Variants in LRP1 observed in about 807,000 individuals in gnomAD.
LRP1 encodes prolow-density lipoprotein receptor-related protein 1.
Under a neutral mutation model 541.5 loss-of-function variants are expected in LRP1, and 51 were observed. That is an observed-to-expected ratio of 0.09 (90% CI 0.08 to 0.12). The LOEUF (loss-of-function observed/expected upper bound fraction) is 0.12, where lower values mean the gene tolerates loss of function less well. Ranked by LOEUF, LRP1 falls within the 10% of genes least tolerant of loss-of-function variation. The pLI, the probability that LRP1 is intolerant of heterozygous loss-of-function variation, is 1.00. For synonymous variants in LRP1, 2,219 were observed against 2,470.8 expected (o/e 0.90, Z 3.02); for missense variants, 3,878 against 6,376.2 (o/e 0.61, Z 13.34).
At chr12:57,142,188 G>A (rs531949541) in intron 3 of LRP1, among the ~76,000 whole-genome samples, 2 of 152,386 alleles carry the variant, frequency 1.3e-5, no homozygotes, top group African/African-American at 4.8e-5. Context: ...CGGTCACAGC[G>A]TGAGCATTTA....
Position 57,166,941 on chromosome 12 carries a change from C to A in LRP1, c.2809C>A (p.Pro937Thr), listed in dbSNP as rs768083429. The A allele has an allele frequency of 6.2e-7, 1 of 1,612,102 alleles. No homozygotes were observed. The highest frequency in any genetic ancestry group is 8.5e-7 in the Non-Finnish European group (1 of 1,178,254). ...SNATCSARTC[P>T]PNQFSCASGR... ...TCCCTGCCCCCCAGCCCGCACCTGC[C>A]CCCCCAACCAGTTCTCCTGTGCCAG... Residue 937 changes from proline (P) to threonine (T), a missense_variant, in exon 18 of 89, where the codon CCC (proline) becomes ACC (threonine). By Grantham distance (38) the Pro-to-Thr change is conservative. Around this residue, in one of 13 missense-constraint regions of LRP1, gnomAD observed 29 missense variants for 20.7 expected, o/e 1.40. Transcript: ENST00000243077.
intron 59 of LRP1, 23 bp from the exon 60 acceptor site, chr12:57,198,442 G>A (rs776813159): frequency 1.9e-6 from 3 of 1,611,562 alleles, no homozygotes; most frequent in South Asian, 1.1e-5. Context: ...ATCTCCCAGG[G>A]CTCACTGCCT....
At position 57,198,516 on chromosome 12, in the gene LRP1, C is replaced by T; in HGVS notation, c.9522C>T (p.Gly3174=). 1 of 1,614,100 alleles carries T rather than the reference C, an allele frequency of 6.2e-7. No individual in the cohort carries two copies. The highest frequency in any genetic ancestry group is 8.5e-7 in the Non-Finnish European group (1 of 1,180,020). Residue 3174 remains glycine, a synonymous_variant, in exon 60 of 89, where the codon GGC becomes GGT. Coordinates refer to ENST00000243077, the MANE Select transcript of LRP1 (RefSeq NM_002332.3). ...ACCATTCACTGATCGGCCGCATCGG[C>T]ATGGATGGGTCCAGCCGCAGCGTCA... ...WGDHSLIGRI[G]MDGSSRSVIV...
intron 1 of LRP1, among the ~76,000 whole-genome samples, chr12:57,133,627 C>T (rs1454632129): frequency 5.2e-5 from 7 of 134,564 alleles, no homozygotes; most frequent in Non-Finnish European, 9.6e-5. Context: ...GCGCCGCCCC[C>T]CCACCCCACC....
At chr12:57,141,702 C>T (rs943325255) in intron 3 of LRP1, among the ~76,000 whole-genome samples, 191 bp downstream of exon 3, 7 of 152,224 alleles carry the variant, frequency 4.6e-5, no homozygotes, top group Admixed American at 1.3e-4. Context: ...GCCCTGTGGG[C>T]CTCAGCCGTG....
Position 57,162,454 on chromosome 12 carries a change from C to A in LRP1, c.2340C>A (p.Thr780=), listed in dbSNP as rs200554758. 7.9e-5 allele frequency: 127 copies of A among 1,614,104 alleles called. 1 individual carries two copies. Among genetic ancestry groups the A allele is most frequent in the Middle Eastern group, 3.3e-4 (2 of 6,062 alleles). ...TAGGAGGCGCACCCCCCACTGTGAC[C>A]CTTCTGCGCAGTGAGCGGCCCCCCA... ...RGVGGAPPTV[T]LLRSERPPIF... Residue 780 remains threonine, a synonymous_variant, in exon 14 of 89, where the codon ACC becomes ACA. Transcript: ENST00000243077. The surrounding 1 kb of genome is among the most constrained non-coding windows in gnomAD (Gnocchi z 5.2).
rs370274636 is a variant in LRP1, at chr12:57,181,129, T to C, written c.5528-28T>C. The C allele has an allele frequency of 3.4e-4, 541 of 1,606,876 alleles. 8 individuals are homozygous for C. In the South Asian group the frequency reaches 5.8e-3, roughly 17 times the overall value. The stretch of plus-strand genomic sequence containing the variant: ...GGTCCCAAGGAGGGCCACCTAACCC[T>C]TTCCCTCTGCCTCCCACCTGCCCCC... On this transcript the variant is annotated intron_variant, in intron 33 of 88. Coordinates refer to ENST00000243077, the MANE Select transcript of LRP1 (RefSeq NM_002332.3).
In LRP1 at chr12:57,161,406, C is replaced by T. The variant is rs528729591; in HGVS notation, c.2202+291C>T. On this transcript the variant is annotated intron_variant, in intron 13 of 88. Transcript: ENST00000243077. Reference sequence around the variant, plus strand: ...CATGTGCCAGTCTCTGCATACACACCATGTGCGCCTCCTCATGTGTGTGCA... The same window carrying T: ...CATGTGCCAGTCTCTGCATACACACTATGTGCGCCTCCTCATGTGTGTGCA... Among the ~76,000 whole-genome samples, 54 of 152,294 alleles carry T rather than the reference C, an allele frequency of 3.5e-4. No individual in the cohort carries two copies. The South Asian group carries it at 0.011, about 31-fold the overall frequency.
At chr12:57,160,243 T>C (rs2035700596) in intron 12 of LRP1, among the ~76,000 whole-genome samples, 1 of 152,088 alleles carries the variant, frequency 6.6e-6, no homozygotes, top group Admixed American at 6.5e-5. Context: ...CAGCTCCCCT[T>C]ACCCTGAGAA....
Position 57,165,938 on chromosome 12 carries a change from C to A in LRP1, c.2664C>A (p.Ala888=), listed in dbSNP as rs757715542. Residue 888 remains alanine, a synonymous_variant, in exon 16 of 89, where the codon GCC becomes GCA. Transcript: ENST00000243077. This position sits in a 1 kb window ranked among gnomAD's most constrained non-coding sequence, Gnocchi z 4.5. ...DCLDNSDEAP[A]LCHQHTCPSD... Reference sequence around the variant, plus strand: ...TGGACAACAGTGATGAGGCCCCAGCCCTCTGCCGTGAGTCACACGCCCTGC... The same window carrying A: ...TGGACAACAGTGATGAGGCCCCAGCACTCTGCCGTGAGTCACACGCCCTGC... The A allele has an allele frequency of 3.3e-5, 54 of 1,614,020 alleles. No homozygotes were observed. In the Middle Eastern group the frequency reaches 6.6e-4, roughly 20 times the overall value.
Position 57,185,521 on chromosome 12 carries a change from C to A in LRP1, c.6464-10C>A. 6.3e-7 allele frequency: 1 copy of A among 1,576,742 alleles called. No homozygotes were observed. The highest frequency in any genetic ancestry group is 8.6e-7 in the Non-Finnish European group (1 of 1,159,248). On this transcript the variant is annotated splice_polypyrimidine_tract_variant and intron_variant, in intron 40 of 88. Transcript: ENST00000243077. This position sits in a 1 kb window ranked among gnomAD's most constrained non-coding sequence, Gnocchi z 4.9. ...GCAGGCCCTGCCCTCTGTACCCTCC[C>A]CTCCCCCAGGCACCAACGTGTGCGC...
rs747304255 is a variant in LRP1 at position 57,211,400 on chromosome 12, T to TCCTAGCCCTGC, written c.13091+54_13091+64dup. 5.0e-6 allele frequency: 8 copies of TCCTAGCCCTGC among 1,609,934 alleles called. No individual in the cohort carries two copies. Among genetic ancestry groups the TCCTAGCCCTGC allele is most frequent in the Admixed American group, 1.7e-5 (1 of 59,952 alleles). ...TCCACCCAGCTGGGCCCCTGCCCTG[T>TCCTAGCCCTGC]CCTAGCCCTGCCCTGCCCCTCCCTT... On this transcript the variant is annotated intron_variant, in intron 84 of 88. Coordinates refer to ENST00000243077, the MANE Select transcript of LRP1 (RefSeq NM_002332.3). This position sits in a 1 kb window ranked among gnomAD's most constrained non-coding sequence, Gnocchi z 4.3.
intron 55 of LRP1, 137 bp downstream of exon 55, chr12:57,196,414 G>A: frequency 1.1e-6 from 1 of 891,240 alleles, no homozygotes. Context: ...CTTGGTTGGG[G>A]TCTGCCTCTA....
intron 12 of LRP1, 44 bp from the exon 13 acceptor site, chr12:57,160,849 A>T: frequency 6.6e-7 from 1 of 1,512,548 alleles, no homozygotes; most frequent in Non-Finnish European, 9.2e-7. Flanking sequence ...GAGGCTGTTG[A>T]TGGCGGGGGT....
Position 57,210,149 on chromosome 12 carries a change from C to T in LRP1, c.12560C>T (p.Ser4187Phe). 6.2e-7 allele frequency: 1 copy of T among 1,605,536 alleles called. No homozygotes were observed. Among genetic ancestry groups the T allele is most frequent in the South Asian group, 1.1e-5 (1 of 89,982 alleles). Residue 4187 changes from serine to phenylalanine, a missense_variant, in exon 81 of 89, where the codon TCT (serine) becomes TTT (phenylalanine). Transcript: ENST00000243077. ...AACGGCACATGCGTGCCTGTGCCCT[C>T]TCCAACGCCCCCCCCAGATGGTATG... The part of the protein sequence containing the change: ...LDNGTCVPVP[S>F]PTPPPDAPRP...
In LRP1 at chr12:57,202,543, T is replaced by TGGCCCCCCCCCCCCCCCCCCCC; in HGVS notation, c.10711+6_10711+7insGGCCCCCCCCCCCCCCCCCCCC. On this transcript the variant is annotated splice_region_variant and intron_variant, in intron 68 of 88. Transcript: ENST00000243077. ...CTCCGATGAAGAGAGCTGCAGTACG[T>TGGCCCCCCCCCCCCCCCCCCCC]CCCCACCCACCCAGCCCCGCATGAG... The TGGCCCCCCCCCCCCCCCCCCCC allele has an allele frequency of 6.6e-7, 1 of 1,523,634 alleles. No homozygotes were observed. The highest frequency in any genetic ancestry group is 8.9e-7 in the Non-Finnish European group (1 of 1,124,812). 94.4% of individuals were successfully genotyped at this position (1,523,634 alleles called of 1,614,324 possible).
rs1410118863 is a variant in LRP1, at chr12:57,128,905, TGAA to T, written c.-58_-56del. 5.8e-6 allele frequency: 8 copies of T among 1,391,136 alleles called. No individual in the cohort carries two copies. The East Asian group carries it at 2.1e-4, about 37-fold the overall frequency. 86.2% of individuals were successfully genotyped at this position (1,391,136 alleles called of 1,614,324 possible). On this transcript the variant is annotated 5_prime_UTR_variant, in exon 1 of 89. Coordinates refer to ENST00000243077, the MANE Select transcript of LRP1 (RefSeq NM_002332.3). ...AGGGGGACCCCCCAACTGGGGGGGG[TGAA>T]GGAGAGAAGTAGCAGGACCAGAGGG...
chr12:57,169,812 C>T (rs2035910967), intron 20 of LRP1, among the ~76,000 whole-genome samples: 1 of 152,230 alleles, frequency 6.6e-6, no homozygotes, highest in African/African-American at 2.4e-5. Context: ...ACAAGGCTCC[C>T]AGTGCCCTGG....
chr12:57,152,056 A>C (rs2035536333), intron 6 of LRP1, among the ~76,000 whole-genome samples: 1 of 152,058 alleles, frequency 6.6e-6, no homozygotes, highest in Admixed American at 6.5e-5. Flanking sequence ...CCAAGGGTAA[A>C]TATCTGAGAG....
Sources: allele counts gnomAD v4.1 joint callset (sites outside exome capture counted in the v4.1 genomes callset), GRCh38; gene constraint gnomAD v4.1.1; regional missense constraint gnomAD v4.1.1; non-coding constraint Gnocchi (gnomAD v3.1); transcripts MANE v1.5; gene names NCBI Gene and HGNC (gene_info 2026-07-23, HGNC 2026-07-21).